Variants in SYT2 observed in about 807,000 individuals in gnomAD.
SYT2 encodes synaptotagmin-2.
SYT2 carries 15 observed loss-of-function variants against 39.9 expected under a neutral mutation model. That is an observed-to-expected ratio of 0.38 (90% CI 0.25 to 0.58). The LOEUF is 0.58. SYT2 is among the 20% of genes least tolerant of loss of function. The pLI, the probability that SYT2 is intolerant of heterozygous loss-of-function variation, is 0.70. For missense variants in SYT2, 389 were observed against 530.3 expected (o/e 0.73, Z 2.62); for synonymous variants, 181 against 204.5 (o/e 0.89, Z 0.98).
intron 8 of SYT2, among the ~76,000 whole-genome samples, chr1:202,598,218 C>A (rs1690369211): frequency 6.6e-6 from 1 of 152,172 alleles, no homozygotes; most frequent in African/African-American, 2.4e-5. Flanking sequence ...CTGACTTGGG[C>A]CACTGGGTAA....
Position 202,667,516 on chromosome 1 carries a change from C to A in SYT2, c.-18+42742G>T, listed in dbSNP as rs571774356. On this transcript the variant is annotated intron_variant, in intron 1 of 8. Transcript: ENST00000367268. The stretch of plus-strand genomic sequence containing the variant: ...GTGTGTGTGTGTGTGTGTGTGTGTA[C>A]CTTCCTGTGTGTATTTATCAGAAAG... Among the ~76,000 whole-genome samples, 16 of 117,202 alleles carry A rather than the reference C, an allele frequency of 1.4e-4. No homozygotes were observed. In the East Asian group the frequency reaches 3.2e-3, roughly 24 times the overall value. 76.9% of individuals were successfully genotyped at this position (117,202 alleles called of 152,430 possible).
rs113893389 is a variant in SYT2 at position 202,704,772 on chromosome 1, A to T, written c.-18+5486T>A. 8.8e-3 allele frequency among the ~76,000 whole-genome samples: 1,334 copies of T among 152,046 alleles called. 17 individuals are homozygous for T. The highest frequency in any genetic ancestry group is 0.031 in the African/African-American group (1,279 of 41,504). On this transcript the variant is annotated intron_variant, in intron 1 of 8. Transcript: ENST00000367268. ...GCTGATGACATCAGCATGCCATCAC[A>T]GATAGGGCTGCTGAGGCTGGAGCAG...
chr1:202,644,501 A>C (rs1692033178), intron 1 of SYT2, among the ~76,000 whole-genome samples: 2 of 152,048 alleles, frequency 1.3e-5, no homozygotes, highest in Admixed American at 6.5e-5. Context: ...ACAGCTCGCC[A>C]GGTGGAATTT....
At chr1:202,647,461 C>CA (rs1321548947) in intron 1 of SYT2, among the ~76,000 whole-genome samples, 5 of 152,156 alleles carry the variant, frequency 3.3e-5, no homozygotes, top group Admixed American at 3.3e-4. Context: ...AGGCTTCCCC[C>CA]CCCAACCGTA....
intron 1 of SYT2, among the ~76,000 whole-genome samples, chr1:202,691,646 T>C (rs2149117226): frequency 7.2e-6 from 1 of 139,006 alleles, no homozygotes; most frequent in South Asian, 2.4e-4. Flanking sequence ...AAAGACCCTG[T>C]CTCAAAAAGG....
rs565598787 is a variant in SYT2 at position 202,594,381 on chromosome 1, T to A, written c.*2376A>T. The A allele has an allele frequency of 6.6e-6, 1 of 151,990 alleles. No individual in the cohort carries two copies. The highest frequency in any genetic ancestry group is 1.5e-5 in the Non-Finnish European group (1 of 68,032). The allele number at this position is 151,990 out of a possible 1,614,324, so 9.4% of individuals were successfully genotyped here. The stretch of plus-strand genomic sequence containing the variant: ...CATGAATGGAAAAGAATCCAGGTGG[T>A]AGAAGATGAATTGGGAAAGGGCAAA... On this transcript the variant is annotated 3_prime_UTR_variant, in exon 9 of 9. Coordinates refer to ENST00000367268, the MANE Select transcript of SYT2 (RefSeq NM_177402.5).
chr1:202,619,331 C>T (rs564039371), intron 1 of SYT2, among the ~76,000 whole-genome samples: 9 of 152,234 alleles, frequency 5.9e-5, no homozygotes, highest in East Asian at 3.9e-4. Context: ...CATGAAATGG[C>T]GCCATTAGGT....
At chr1:202,650,775 G>A (rs751755634) in intron 1 of SYT2, among the ~76,000 whole-genome samples, 16 of 152,192 alleles carry the variant, frequency 1.1e-4, no homozygotes, top group East Asian at 9.6e-4. Context: ...ACAAAAGACC[G>A]TGGAGCCGGA....
rs1389923277 is a variant in SYT2, at chr1:202,614,202, G to A, written c.-17-8413C>T. Among the ~76,000 whole-genome samples, 3 of 152,210 alleles carry A rather than the reference G, an allele frequency of 2.0e-5. No individual in the cohort carries two copies. The highest frequency in any genetic ancestry group is 7.2e-5 in the African/African-American group (3 of 41,450). ...AATGAAGACGCTTAATGCTCCTGAG[G>A]TTCAGGGAATCTGCAGGCCAGGAAT... On this transcript the variant is annotated intron_variant, in intron 1 of 8. Transcript: ENST00000367268. The surrounding 1 kb of genome is among the most constrained non-coding windows in gnomAD (Gnocchi z 4.0).
chr1:202,651,013 G>C (rs1281743482), intron 1 of SYT2, among the ~76,000 whole-genome samples: 1 of 152,100 alleles, frequency 6.6e-6, no homozygotes, highest in Non-Finnish European at 1.5e-5. Flanking sequence ...AGGGGCATTG[G>C]AGCCTGGATG....
intron 1 of SYT2, among the ~76,000 whole-genome samples, chr1:202,667,169 T>C (rs1692494097): frequency 6.6e-6 from 1 of 152,068 alleles, no homozygotes; most frequent in South Asian, 2.1e-4. Flanking sequence ...GAAAACAGTA[T>C]TAAAGAGCTA....
At chr1:202,646,290 C>T (rs754967215) in intron 1 of SYT2, among the ~76,000 whole-genome samples, 2 of 152,258 alleles carry the variant, frequency 1.3e-5, no homozygotes, top group Non-Finnish European at 2.9e-5. Context: ...ATGCTCCTTC[C>T]TGCTGCAGAG....
At position 202,596,790 on chromosome 1, in the gene SYT2, C is replaced by G; in HGVS notation, c.1227G>C (p.Glu409Asp). 1 of 1,614,158 alleles carries G rather than the reference C, an allele frequency of 6.2e-7. No homozygotes were observed. The highest frequency in any genetic ancestry group is 8.5e-7 in the Non-Finnish European group (1 of 1,179,976). Residue 409 changes from glutamate (E) to aspartate (D), a missense_variant, in exon 9 of 9, where the codon GAG becomes GAC. Glu to Asp is a conservative substitution (Grantham distance 45). Transcript: ENST00000367268. Reference sequence around the variant, plus strand: ...TCTTGCCCAGGAGTGCATCCACCTCCTCCTCAGGCTTGAGCGAGTGCCACT... The same window carrying G: ...TCTTGCCCAGGAGTGCATCCACCTCGTCCTCAGGCTTGAGCGAGTGCCACT... ...IAQWHSLKPE[E>D]EVDALLGKNK
intron 1 of SYT2, among the ~76,000 whole-genome samples, chr1:202,682,776 T>A (rs975940689): frequency 5.9e-5 from 9 of 151,572 alleles, no homozygotes; most frequent in African/African-American, 1.7e-4. Flanking sequence ...ATCCAATAGG[T>A]AGGTGATGGT....
At position 202,603,049 on chromosome 1, in the gene SYT2, T is replaced by G; in HGVS notation, c.415A>C (p.Asn139His). Reference protein sequence around the residue: ...GEGEEEKEPENLGKLQFSLDY... With the variant: ...GEGEEEKEPEHLGKLQFSLDY... ...AGGGAAAACTGCAGTTTGCCCAGGT[T>G]CTCTGGCTCTTTCTCCTCCTCCCCT... is the stretch of plus-strand genomic sequence containing the variant. Residue 139 changes from asparagine to histidine, a missense_variant, in exon 4 of 9, where the codon AAC becomes CAC. Transcript: ENST00000367268. The G allele has an allele frequency of 6.2e-7, 1 of 1,613,956 alleles. No individual in the cohort carries two copies. The highest frequency in any genetic ancestry group is 8.5e-7 in the Non-Finnish European group (1 of 1,179,978).
chr1:202,602,633 G>A (rs978935876), intron 4 of SYT2, 88 bp from the exon 5 acceptor site: 31 of 1,350,216 alleles, frequency 2.3e-5, no homozygotes, highest in Middle Eastern at 2.7e-4. Flanking sequence ...CACCAATTCC[G>A]TCCCAGAGGA....
intron 1 of SYT2, among the ~76,000 whole-genome samples, chr1:202,616,113 T>G (rs1691024364): frequency 6.6e-6 from 1 of 152,142 alleles, no homozygotes; most frequent in Non-Finnish European, 1.5e-5. Context: ...CCCCACCAGC[T>G]TCGCCTCCTC....
intron 5 of SYT2, 126 bp downstream of exon 5, chr1:202,602,251 GC>G (rs1338520821): frequency 2.4e-6 from 3 of 1,251,136 alleles, no homozygotes; most frequent in Non-Finnish European, 2.3e-6. Context: ...GGCCGGGGTA[GC>G]CCTGCAGTCA....
In SYT2 at chr1:202,603,020, G is replaced by T; in HGVS notation, c.444C>A (p.Asp148Glu). The change falls in exon 4 of 9, where the codon GAC becomes GAA. Residue 148 changes from aspartate to glutamate, a missense_variant. Physicochemically the swap from Asp to Glu is conservative, Grantham distance 45. Coordinates refer to ENST00000367268, the MANE Select transcript of SYT2 (RefSeq NM_177402.5). ...ENLGKLQFSL[D>E]YDFQANQLTV... ...ATACCTGATTAGCCTGAAAATCATA[G>T]TCCAGGGAAAACTGCAGTTTGCCCA... The T allele has an allele frequency of 6.2e-7, 1 of 1,612,976 alleles. No homozygotes were observed.
Sources: allele counts gnomAD v4.1 joint callset (sites outside exome capture counted in the v4.1 genomes callset), GRCh38; gene constraint gnomAD v4.1.1; non-coding constraint Gnocchi (gnomAD v3.1); transcripts MANE v1.5; gene names NCBI Gene and HGNC (gene_info 2026-07-23, HGNC 2026-07-21).